ACER2: variants seen among roughly 807,000 people sequenced by gnomAD.
The protein encoded by ACER2 is alkCDase 2.
Under a neutral mutation model 34.7 loss-of-function variants are expected in ACER2, and 26 were observed. The observed-to-expected ratio is 0.75, with a 90% CI of 0.55 to 1.04. The LOEUF (loss-of-function observed/expected upper bound fraction) is 1.04, where lower values mean the gene tolerates loss of function less well. Ranked by LOEUF, ACER2 falls within the 50% of genes least tolerant of loss-of-function variation. The probability of loss-of-function intolerance (pLI) is 0.00; values close to 1 mark genes in which losing one functional copy is unlikely to be tolerated. For synonymous variants in ACER2, 138 were observed against 132.1 expected (o/e 1.04, Z -0.31); for missense variants, 352 against 340.8 (o/e 1.03, Z -0.26).
intron 1 of ACER2, among the ~76,000 whole-genome samples, chr9:19,423,186 G>C (rs1004286654): frequency 1.2e-4 from 19 of 152,168 alleles, no homozygotes; most frequent in African/African-American, 4.6e-4. Context: ...AAAAAAATAA[G>C]TGCAAGTAAA....
At chr9:19,433,892 C>G (rs1434516548) in intron 3 of ACER2, among the ~76,000 whole-genome samples, 1 of 148,504 alleles carries the variant, frequency 6.7e-6, no homozygotes, top group Non-Finnish European at 1.5e-5. Context: ...CCGGACGGGG[C>G]GGCTGGCCGG....
chr9:19,434,602 C>T lies in ACER2; in HGVS notation c.366-345C>T, dbSNP rs1010224930. 3.3e-5 allele frequency among the ~76,000 whole-genome samples: 5 copies of T among 152,378 alleles called. 1 individual carries two copies. The highest frequency in any genetic ancestry group is 6.5e-5 in the Admixed American group (1 of 15,314). On this transcript the variant is annotated intron_variant, in intron 3 of 5. Coordinates refer to ENST00000340967, the MANE Select transcript of ACER2 (RefSeq NM_001010887.3). The stretch of plus-strand genomic sequence containing the variant: ...CCTGGCCAACACAGCGAAACCCCGT[C>T]TCCACCAAAAAAATACGAAAACCAG...
intron 1 of ACER2, 120 bp from the exon 2 acceptor site, chr9:19,423,742 T>A: frequency 1.3e-6 from 1 of 747,160 alleles, no homozygotes; most frequent in Non-Finnish European, 2.3e-6. Flanking sequence ...TGCAAGAGCT[T>A]AAACGAGATG....
chr9:19,443,391 C>A (rs1831224006), intron 4 of ACER2, among the ~76,000 whole-genome samples: 1 of 152,218 alleles, frequency 6.6e-6, no homozygotes, highest in Non-Finnish European at 1.5e-5. Flanking sequence ...TGGTCTTGAT[C>A]TCCTGACCTC....
At position 19,423,863 on chromosome 9, in the gene ACER2, T is replaced by C; in HGVS notation, c.110T>C (p.Ile37Thr). The C allele has an allele frequency of 6.2e-7, 1 of 1,612,144 alleles. No individual in the cohort carries two copies. Among genetic ancestry groups the C allele is most frequent in the South Asian group, 1.1e-5 (1 of 91,030 alleles). ...CTGTTTTACATTTTTTTCCTGCAGA[T>C]CAGCAATGTCTTATTTTTCATTTTA... is the stretch of plus-strand genomic sequence containing the variant. ...VPAIAEFYNTISNVLFFILPP... is the reference protein window; with the variant it reads ...VPAIAEFYNTTSNVLFFILPP... Residue 37 changes from isoleucine (I) to threonine (T), a missense_variant and splice_region_variant, in exon 2 of 6, where the codon ATC becomes ACC. By Grantham distance (89) the Ile-to-Thr change is moderately conservative. Transcript: ENST00000340967.
chr9:19,433,856 G>T (rs541716294), intron 3 of ACER2, among the ~76,000 whole-genome samples: 1 of 151,646 alleles, frequency 6.6e-6, no homozygotes, highest in African/African-American at 2.4e-5. Flanking sequence ...CAGTAGGGGC[G>T]GTCGGGCAGA....
At chr9:19,415,039 T>G (rs912844566) in intron 1 of ACER2, among the ~76,000 whole-genome samples, 2 of 152,186 alleles carry the variant, frequency 1.3e-5, no homozygotes, top group African/African-American at 4.8e-5. Context: ...CACTAATTTG[T>G]TCTTTTCCTT....
At chr9:19,432,452 G>A (rs2132497814) in intron 3 of ACER2, among the ~76,000 whole-genome samples, 1 of 151,964 alleles carries the variant, frequency 6.6e-6, no homozygotes, top group East Asian at 1.9e-4. Context: ...TGCAAATCAG[G>A]TTTTATTGGC....
intron 3 of ACER2, among the ~76,000 whole-genome samples, chr9:19,426,020 GC>G (rs1473390854): frequency 6.6e-6 from 1 of 152,068 alleles, no homozygotes; most frequent in Non-Finnish European, 1.5e-5. Flanking sequence ...AAAAATGCTG[GC>G]TGCAAGGGGC....
At chr9:19,418,609 A>T (rs1830308847) in intron 1 of ACER2, among the ~76,000 whole-genome samples, 1 of 152,188 alleles carries the variant, frequency 6.6e-6, no homozygotes. Context: ...AGAAAACCAA[A>T]CACTGTATGT....
intron 1 of ACER2, among the ~76,000 whole-genome samples, chr9:19,417,477 C>G (rs372815463): frequency 6.6e-6 from 1 of 152,168 alleles, no homozygotes; most frequent in East Asian, 1.9e-4. Flanking sequence ...TACTACAAGG[C>G]TATGGTAACC....
chr9:19,423,666 A>G (rs770124351), intron 1 of ACER2, among the ~76,000 whole-genome samples, 196 bp from the exon 2 acceptor site: 24 of 152,212 alleles, frequency 1.6e-4, no homozygotes, highest in Non-Finnish European at 3.2e-4. Context: ...GTACCACTGC[A>G]TTTCAGCCTT....
chr9:19,433,661 G>C (rs976360062), intron 3 of ACER2, among the ~76,000 whole-genome samples: 2 of 152,252 alleles, frequency 1.3e-5, no homozygotes, highest in Non-Finnish European at 2.9e-5. Flanking sequence ...TTCTCAATGA[G>C]CTGTTGGGCA....
intron 3 of ACER2, among the ~76,000 whole-genome samples, chr9:19,425,092 T>C (rs1830520911): frequency 6.6e-6 from 1 of 152,210 alleles, no homozygotes; most frequent in African/African-American, 2.4e-5. Context: ...CTGTACCCAG[T>C]GGTTTAAGAA....
chr9:19,449,845 T>C (rs970403854), intron 5 of ACER2, among the ~76,000 whole-genome samples: 68 of 146,212 alleles, frequency 4.7e-4, no homozygotes, highest in African/African-American at 1.7e-3. Flanking sequence ...TGAGCCGAGA[T>C]TGCACCATTG....
chr9:19,414,695 C>G (rs532622859), intron 1 of ACER2, among the ~76,000 whole-genome samples: 1 of 152,114 alleles, frequency 6.6e-6, no homozygotes, highest in Non-Finnish European at 1.5e-5. Context: ...CCCAGTTACT[C>G]AGGAGGCTGA....
chr9:19,446,711 C>A, intron 5 of ACER2: 1 of 868,566 alleles, frequency 1.2e-6, no homozygotes, highest in East Asian at 1.2e-4. Context: ...AGAACTGAAC[C>A]TGTAACCTGA....
chr9:19,430,101 G>T (rs1454675108), intron 3 of ACER2, among the ~76,000 whole-genome samples: 6 of 151,628 alleles, frequency 4.0e-5, no homozygotes. Context: ...CAATGATAGT[G>T]GTTTTCAAGC....
At chr9:19,438,960 T>G (rs1263197256) in intron 4 of ACER2, among the ~76,000 whole-genome samples, 1 of 152,252 alleles carries the variant, frequency 6.6e-6, no homozygotes, top group African/African-American at 2.4e-5. Context: ...TGAGAAAATA[T>G]TTTAAGTTCA....
Sources: gnomAD v4.1 joint callset for allele counts (sites outside exome capture counted in the v4.1 genomes callset) on GRCh38, gnomAD v4.1.1 for gene constraint, MANE v1.5 for transcripts, NCBI Gene and HGNC (gene_info 2026-07-23, HGNC 2026-07-21) for gene names.